The following FAM53A variants were observed in gnomAD, a reference collection of about 807,000 sequenced individuals.
The protein encoded by FAM53A is family with sequence similarity 53 member A, also known as protein FAM53A.
In FAM53A, 28 loss-of-function variants were observed where a neutral mutation model predicts 26.6. That is an observed-to-expected ratio of 1.05 (90% CI 0.78 to 1.45). FAM53A has a LOEUF of 1.45. FAM53A is among the 40% of genes most tolerant of loss of function. The pLI, the probability that FAM53A is intolerant of heterozygous loss-of-function variation, is 0.00. For synonymous variants in FAM53A, 290 were observed against 253.1 expected (o/e 1.15, Z -1.38); for missense variants, 650 against 575.8 (o/e 1.13, Z -1.32).
At chr4:1,673,424 T>TA (rs1217107052) in intron 1 of FAM53A, among the ~76,000 whole-genome samples, 1 of 152,154 alleles carries the variant, frequency 6.6e-6, no homozygotes, top group Non-Finnish European at 1.5e-5. Context: ...CACACGCTCA[T>TA]AACTCACAGA....
At chr4:1,610,583 G>A in the FAM53A span, among the ~76,000 whole-genome samples, 11 of 151,968 alleles carry the variant, frequency 7.2e-5, no homozygotes, top group Admixed American at 2.6e-4. Flanking sequence ...CAGTGGGGGT[G>A]GCCTGGGGTG....
the FAM53A span, among the ~76,000 whole-genome samples, chr4:1,586,558 G>A: frequency 2.0e-5 from 3 of 151,808 alleles, no homozygotes; most frequent in Admixed American, 6.6e-5. Context: ...GGCGGATCAC[G>A]AGGTCAGAAG....
At chr4:1,642,370 G>A (rs1711793310) in intron 4 of FAM53A, among the ~76,000 whole-genome samples, 1 of 152,118 alleles carries the variant, frequency 6.6e-6, no homozygotes, top group African/African-American at 2.4e-5. Context: ...GCAGGTCCCT[G>A]AGTGCCAGGC....
intron 1 of FAM53A, among the ~76,000 whole-genome samples, chr4:1,678,178 G>C (rs1715169716): frequency 6.6e-6 from 1 of 152,130 alleles, no homozygotes; most frequent in South Asian, 2.1e-4. Flanking sequence ...AACATAGCAA[G>C]ACTCCATCTC....
At chr4:1,677,415 G>A (rs1715119357) in intron 1 of FAM53A, among the ~76,000 whole-genome samples, 1 of 152,206 alleles carries the variant, frequency 6.6e-6, no homozygotes. Context: ...CCAATGACGT[G>A]TGTATGCTTC....
At chr4:1,668,957 G>A (rs1714441454) in intron 1 of FAM53A, 52 bp from the exon 2 acceptor site, 1 of 517,970 alleles carries the variant, frequency 1.9e-6, no homozygotes, top group Non-Finnish European at 3.4e-6. Context: ...AAACCATTTT[G>A]TTGATGTTTC....
At chr4:1,616,754 C>T (rs1453599595), downstream of FAM53A, among the ~76,000 whole-genome samples, 4 of 152,208 alleles carry the variant, frequency 2.6e-5, no homozygotes, top group Admixed American at 2.0e-4. Context: ...CGGTCTGTCC[C>T]GCGGAGAAGC....
At chr4:1,621,743 G>A (rs1715045544) in intron 1 of FAM53A, among the ~76,000 whole-genome samples, 1 of 152,238 alleles carries the variant, frequency 6.6e-6, no homozygotes, top group Non-Finnish European at 1.5e-5. Flanking sequence ...GCCTGGGTCT[G>A]CAGGAACCAG....
chr4:1,614,433 GGGATGCAGAGACATGAGGGGC>G, downstream of FAM53A, among the ~76,000 whole-genome samples: 3 of 137,852 alleles, frequency 2.2e-5, no homozygotes, highest in Non-Finnish European at 4.6e-5. Context: ...AGACGTGAGG[GGGATGCAGAGACATGAGGGGC>G]ATGCAGAGAC....
chr4:1,576,376 C>G, the FAM53A span, among the ~76,000 whole-genome samples: 6 of 152,204 alleles, frequency 3.9e-5, no homozygotes, highest in Non-Finnish European at 8.8e-5. Flanking sequence ...CTAAATTATT[C>G]CATAACCGTG....
intron 1 of FAM53A, among the ~76,000 whole-genome samples, chr4:1,629,064 T>A (rs1226872736): frequency 6.6e-6 from 1 of 151,892 alleles, no homozygotes; most frequent in Non-Finnish European, 1.5e-5. Flanking sequence ...CACCCCAGGA[T>A]GTGCGCCATG....
At chr4:1,627,384 A>T (rs1715354178) in intron 1 of FAM53A, among the ~76,000 whole-genome samples, 1 of 152,184 alleles carries the variant, frequency 6.6e-6, no homozygotes, top group East Asian at 1.9e-4. Context: ...CTGCCGACTG[A>T]CGGATACACC....
At chr4:1,607,328 T>G in the FAM53A span, among the ~76,000 whole-genome samples, 1 of 152,090 alleles carries the variant, frequency 6.6e-6, no homozygotes. Flanking sequence ...CTCTGGGTTT[T>G]TTTTTTTTTT....
chr4:1,633,215 G>A lies in FAM53A; in HGVS notation c.432-15104C>T, dbSNP rs543146444. 2.0e-5 allele frequency among the ~76,000 whole-genome samples: 3 copies of A among 152,248 alleles called. No individual in the cohort carries two copies. In the South Asian group the frequency reaches 6.2e-4, roughly 32 times the overall value. Reference sequence around the variant, plus strand: ...GCGCATATCTCCCTGCATTCCAAACGGTGAAACACTCACAGGCTTCATTAT... The same window carrying A: ...GCGCATATCTCCCTGCATTCCAAACAGTGAAACACTCACAGGCTTCATTAT... On this transcript the variant is annotated intron_variant, in intron 1 of 1. Coordinates refer to the FAM53A transcript ENST00000489029.
chr4:1,596,025 G>A, the FAM53A span, among the ~76,000 whole-genome samples: 1 of 152,240 alleles, frequency 6.6e-6, no homozygotes, highest in South Asian at 2.1e-4. Context: ...AAGAGTGGCC[G>A]TCCAGCCTCT....
chr4:1,651,000 C>T (rs1447031262), intron 4 of FAM53A, among the ~76,000 whole-genome samples: 5 of 147,416 alleles, frequency 3.4e-5, no homozygotes, highest in South Asian at 2.2e-4. Flanking sequence ...GGGTGGATCA[C>T]GAGGTGAGGA....
At chr4:1,617,803 G>A (rs3936194), downstream of FAM53A, 82,059 of 333,806 alleles carry the variant, frequency 0.25, 11,566 homozygotes, top group Admixed American at 0.36. Flanking sequence ...CTGGGTTGAC[G>A]GTTCTCTTTC....
At chr4:1,613,590 C>A (rs918458792), downstream of FAM53A, among the ~76,000 whole-genome samples, 1 of 152,226 alleles carries the variant, frequency 6.6e-6, no homozygotes, top group Non-Finnish European at 1.5e-5. Context: ...CTGAGATCCA[C>A]ACCGACGTGC....
At chr4:1,643,205 A>G (rs572390917) in intron 4 of FAM53A, among the ~76,000 whole-genome samples, 32 of 152,214 alleles carry the variant, frequency 2.1e-4, no homozygotes, top group Middle Eastern at 3.4e-3. Flanking sequence ...GGTGGCTCAC[A>G]CCTGTAATCC....
Sources: allele counts gnomAD v4.1 joint callset (sites outside exome capture counted in the v4.1 genomes callset), GRCh38; gene constraint gnomAD v4.1.1; transcripts MANE v1.5; gene names NCBI Gene and HGNC (gene_info 2026-07-23, HGNC 2026-07-21).